The following SLC18A1 variants were observed in gnomAD, a reference collection of about 807,000 sequenced individuals.
SLC18A1 encodes chromaffin granule amine transporter.
Under a neutral mutation model 53.7 loss-of-function variants are expected in SLC18A1, and 69 were observed. The ratio of observed to expected loss-of-function variants is 1.28; its 90% confidence interval spans 1.06 to 1.57. The LOEUF (loss-of-function observed/expected upper bound fraction) is 1.57. SLC18A1 is among the 40% of genes most tolerant of loss of function. The pLI, the probability that SLC18A1 is intolerant of heterozygous loss-of-function variation, is 0.00. For missense variants in SLC18A1, 932 were observed against 668.1 expected (o/e 1.40, Z -4.35); for synonymous variants, 320 against 248.1 (o/e 1.29, Z -2.72).
At chr8:20,166,975 C>G (rs1477836185) in intron 8 of SLC18A1, among the ~76,000 whole-genome samples, 1 of 152,124 alleles carries the variant, frequency 6.6e-6, no homozygotes, top group Non-Finnish European at 1.5e-5. Context: ...CAGAAACCAA[C>G]CCTCAACAGT....
chr8:20,165,727 C>G (rs778298596), intron 8 of SLC18A1, among the ~76,000 whole-genome samples: 3 of 152,138 alleles, frequency 2.0e-5, no homozygotes, highest in Non-Finnish European at 4.4e-5. Flanking sequence ...CCTCAGCCAT[C>G]ATTATTGCCT....
chr8:20,179,713 A>C (rs970920573), intron 2 of SLC18A1, among the ~76,000 whole-genome samples: 1 of 152,206 alleles, frequency 6.6e-6, no homozygotes, highest in African/African-American at 2.4e-5. Flanking sequence ...ACCTACTAAA[A>C]GACTGTGCCT....
In SLC18A1 at chr8:20,171,617, C is replaced by G. The variant is rs1329738176; in HGVS notation, c.725-123G>C. On this transcript the variant is annotated intron_variant, in intron 6 of 15. Coordinates refer to ENST00000276373, the MANE Select transcript of SLC18A1 (RefSeq NM_003053.4). ...GCTAGGGGCTAAGCTCCACCTGAGGCTCTGGGAATTCAGAGATGGAGACAT... is the reference window on the plus strand; with the variant it reads ...GCTAGGGGCTAAGCTCCACCTGAGGGTCTGGGAATTCAGAGATGGAGACAT... 5.5e-6 allele frequency: 4 copies of G among 721,674 alleles called. No homozygotes were observed. In the African/African-American group the frequency reaches 7.0e-5, roughly 13 times the overall value. The allele number at this position is 721,674 out of a possible 1,614,324, so 44.7% of individuals were successfully genotyped here. A position where few individuals can be genotyped will look rare whatever the true frequency, so the allele number is the denominator to read the frequency against.
intron 6 of SLC18A1, among the ~76,000 whole-genome samples, chr8:20,172,178 C>T (rs181927991): frequency 5.9e-5 from 9 of 152,280 alleles, no homozygotes; most frequent in African/African-American, 2.2e-4. Context: ...TGACAAGGAG[C>T]CAGGAGTGGC....
intron 15 of SLC18A1, among the ~76,000 whole-genome samples, chr8:20,146,156 G>T (rs982974283): frequency 1.3e-5 from 2 of 151,934 alleles, no homozygotes; most frequent in Non-Finnish European, 2.9e-5. Flanking sequence ...ACCTCGTGAT[G>T]CGCCCGCCTC....
rs2072070219 is a variant in SLC18A1, at chr8:20,170,004, C to T, written c.858+1099G>A. Among the ~76,000 whole-genome samples, 3 of 152,190 alleles carry T rather than the reference C, an allele frequency of 2.0e-5. No homozygotes were observed. The South Asian group carries it at 6.2e-4, about 31-fold the overall frequency. ...GGCTGAACCACCTGGATGAGTGTCC[C>T]TACGCCTGGGCCAGGGCTGGAGGGG... is the stretch of plus-strand genomic sequence containing the variant. On this transcript the variant is annotated intron_variant, in intron 8 of 15. Coordinates refer to ENST00000276373, the MANE Select transcript of SLC18A1 (RefSeq NM_003053.4).
At chr8:20,167,375 T>A (rs554155797) in intron 8 of SLC18A1, among the ~76,000 whole-genome samples, 8 of 152,284 alleles carry the variant, frequency 5.3e-5, no homozygotes, top group South Asian at 2.1e-4. Context: ...GTAAATTTTT[T>A]AATCTATTTG....
chr8:20,175,765 T>C (rs1272428317), intron 4 of SLC18A1: 1 of 152,202 alleles, frequency 6.6e-6, no homozygotes, highest in African/African-American at 2.4e-5. Flanking sequence ...TCATTACAGA[T>C]GTCTTTGGTT....
intron 10 of SLC18A1, among the ~76,000 whole-genome samples, chr8:20,161,459 A>G (rs1220533418): frequency 1.3e-5 from 2 of 152,358 alleles, no homozygotes; most frequent in Admixed American, 6.5e-5. Flanking sequence ...GTTACAAGTC[A>G]TTGAGAAATG....
intron 4 of SLC18A1, among the ~76,000 whole-genome samples, chr8:20,176,260 T>C (rs2072248516): frequency 6.6e-6 from 1 of 152,090 alleles, no homozygotes. Context: ...GGCACCTCCC[T>C]CTCCTCTCTC....
intron 8 of SLC18A1, among the ~76,000 whole-genome samples, chr8:20,169,823 G>A (rs1320364307): frequency 6.6e-6 from 1 of 152,150 alleles, no homozygotes; most frequent in Non-Finnish European, 1.5e-5. Context: ...AGGTTGCAGT[G>A]AGCCGAGATC....
In SLC18A1 at chr8:20,173,119, A is replaced by T; in HGVS notation, c.641T>A (p.Met214Lys). The stretch of plus-strand genomic sequence containing the variant: ...GTCATCAGTGTAGACACTGGCCAGC[A>T]TTCCAAGACCTGCGCAGAGAGTTAC... Reference protein sequence around the residue: ...SSFSSVAGLGMLASVYTDDHE... With the variant: ...SSFSSVAGLGKLASVYTDDHE... The change falls in exon 6 of 16, where the codon ATG (methionine) becomes AAG (lysine). Residue 214 changes from methionine (M) to lysine (K), a missense_variant. Met to Lys is a moderately conservative substitution (Grantham distance 95). Transcript: ENST00000276373. 1 of 1,572,480 alleles carries T rather than the reference A, an allele frequency of 6.4e-7. No individual in the cohort carries two copies. Among genetic ancestry groups the T allele is most frequent in the Non-Finnish European group, 8.6e-7 (1 of 1,159,322 alleles).
Position 20,180,871 on chromosome 8 carries a change from G to C in SLC18A1, c.94C>G (p.Leu32Val), listed in dbSNP as rs1377630194. 1 of 1,614,038 alleles carries C rather than the reference G, an allele frequency of 6.2e-7. No homozygotes were observed. The highest frequency in any genetic ancestry group is 1.3e-5 in the African/African-American group (1 of 75,042). The change falls in exon 2 of 16, where the codon CTC becomes GTC. Residue 32 changes from leucine to valine, a missense_variant. Physicochemically the swap from Leu to Val is conservative, Grantham distance 32. Transcript: ENST00000276373. ...ACAGTAAACAGCATGTTGTCCAGGA[G>C]CAAAGCGACGAATACCACCACCAGC... ...LVLVVVFVAL[L>V]LDNMLFTVVV...
At chr8:20,173,384 T>G (rs532552644) in intron 5 of SLC18A1, among the ~76,000 whole-genome samples, 2 of 152,308 alleles carry the variant, frequency 1.3e-5, no homozygotes, top group East Asian at 3.9e-4. Context: ...GAAAATCCAT[T>G]GTCTGATTAT....
intron 4 of SLC18A1, among the ~76,000 whole-genome samples, chr8:20,178,110 C>G (rs1334493101): frequency 8.0e-6 from 1 of 124,760 alleles, no homozygotes; most frequent in South Asian, 2.6e-4. Context: ...CAAGGGATTA[C>G]TGATGCATAT....
Position 20,149,738 on chromosome 8 carries a change from A to G in SLC18A1, c.1095-11T>C. The G allele has an allele frequency of 6.2e-7, 1 of 1,613,680 alleles. No homozygotes were observed. Among genetic ancestry groups the G allele is most frequent in the Non-Finnish European group, 8.5e-7 (1 of 1,179,866 alleles). ...AGGGAACACAGCCACCTGGAAGAAA[A>G]AAGCCATCATCAAACACCACTAGGG... On this transcript the variant is annotated splice_polypyrimidine_tract_variant and intron_variant, in intron 11 of 15. Transcript: ENST00000276373.
intron 4 of SLC18A1, among the ~76,000 whole-genome samples, chr8:20,177,894 T>C (rs1018565341): frequency 6.6e-6 from 1 of 152,136 alleles, no homozygotes; most frequent in African/African-American, 2.4e-5. Context: ...CTGGATAGAG[T>C]ATTTGTCTTT....
At position 20,173,201 on chromosome 8, in the gene SLC18A1, C is replaced by A. The variant is rs748349265; in HGVS notation, c.632-73G>T. 11 of 1,053,986 alleles carry A rather than the reference C, an allele frequency of 1.0e-5. No individual in the cohort carries two copies. The Admixed American group carries it at 2.3e-4, about 22-fold the overall frequency. 65.3% of individuals were successfully genotyped at this position (1,053,986 alleles called of 1,614,324 possible). A position where few individuals can be genotyped will look rare whatever the true frequency, so the allele number is the denominator to read the frequency against. On this transcript the variant is annotated intron_variant, in intron 5 of 15. Coordinates refer to ENST00000276373, the MANE Select transcript of SLC18A1 (RefSeq NM_003053.4). ...CCGCCTCTCAGAGCCCTTGGTCCCACCCTGTTATCTCTTCAGTGACAATCT... is the reference window on the plus strand; with the variant it reads ...CCGCCTCTCAGAGCCCTTGGTCCCAACCTGTTATCTCTTCAGTGACAATCT...
chr8:20,147,999 C>G lies in SLC18A1; in HGVS notation c.1210+8G>C. ...GGGCTTATTGTTTTCTTTGAGGGCA[C>G]TTCTTACCTATGGCAAGGCCAAGCC... On this transcript the variant is annotated splice_region_variant and intron_variant, in intron 13 of 15. Coordinates refer to ENST00000276373, the MANE Select transcript of SLC18A1 (RefSeq NM_003053.4). 6.2e-7 allele frequency: 1 copy of G among 1,613,912 alleles called. No individual in the cohort carries two copies. Among genetic ancestry groups the G allele is most frequent in the South Asian group, 1.1e-5 (1 of 91,058 alleles).
Sources: gnomAD v4.1 joint callset for allele counts (sites outside exome capture counted in the v4.1 genomes callset) on GRCh38, gnomAD v4.1.1 for gene constraint, MANE v1.5 for transcripts, NCBI Gene and HGNC (gene_info 2026-07-23, HGNC 2026-07-21) for gene names.